Variants in PURA observed in about 807,000 individuals in gnomAD.
The protein encoded by PURA is purine rich element binding protein A.
Under a neutral mutation model 23.1 loss-of-function variants are expected in PURA, and 2 were observed. The ratio of observed to expected loss-of-function variants is 0.09; its 90% CI spans 0.04 to 0.27. The LOEUF (loss-of-function observed/expected upper bound fraction) is 0.27. PURA is among the 10% of genes least tolerant of loss of function. PURA has a pLI of 1.00. For synonymous variants in PURA, 254 were observed against 205.9 expected (o/e 1.23, Z -2.00); for missense variants, 187 against 449.7 (o/e 0.42, Z 5.28).
rs1763131076 is a variant in PURA, at chr5:140,119,875, C to G, written c.*4725C>G. 6.0e-6 allele frequency: 1 copy of G among 166,568 alleles called. No homozygotes were observed. The highest frequency in any genetic ancestry group is 2.1e-4 in the South Asian group (1 of 4,832). 10.3% of individuals were successfully genotyped at this position (166,568 alleles called of 1,614,324 possible). On this transcript the variant is annotated 3_prime_UTR_variant, in exon 1 of 1. Coordinates refer to ENST00000331327, the MANE Select transcript of PURA (RefSeq NM_005859.5). ...CACTCATTTTTTCAGGTTATATATACACACACATTTCCAGATAATTTTAGA... is the reference window on the plus strand; with the variant it reads ...CACTCATTTTTTCAGGTTATATATAGACACACATTTCCAGATAATTTTAGA...
In PURA at chr5:140,122,597, C is replaced by G. The variant is rs1012059334; in HGVS notation, c.*7447C>G. On this transcript the variant is annotated 3_prime_UTR_variant, in exon 1 of 1. Coordinates refer to ENST00000331327, the MANE Select transcript of PURA (RefSeq NM_005859.5). Reference sequence around the variant, plus strand: ...TGTATTTCTAAAATTAGACAACATACCCCCCAAACTCATGTTTCTGTTTCC... The same window carrying G: ...TGTATTTCTAAAATTAGACAACATAGCCCCCAAACTCATGTTTCTGTTTCC... The G allele has an allele frequency of 3.0e-5, 5 of 166,720 alleles. No individual in the cohort carries two copies. The highest frequency in any genetic ancestry group is 5.9e-5 in the Non-Finnish European group (4 of 67,944). 10.3% of individuals were successfully genotyped at this position (166,720 alleles called of 1,614,324 possible).
rs778519273 is a variant in PURA, at chr5:140,122,454, G to A, written c.*7304G>A. On this transcript the variant is annotated 3_prime_UTR_variant, in exon 1 of 1. Coordinates refer to ENST00000331327, the MANE Select transcript of PURA (RefSeq NM_005859.5). The stretch of plus-strand genomic sequence containing the variant: ...TTTGGCCCACACAAATTTCTTAGAA[G>A]ACAATAAACCAGGTAAAAACACTAA... 6.6e-5 allele frequency: 11 copies of A among 166,708 alleles called. No homozygotes were observed. Among genetic ancestry groups the A allele is most frequent in the Non-Finnish European group, 1.6e-4 (11 of 67,944 alleles). 10.3% of individuals were successfully genotyped at this position (166,708 alleles called of 1,614,324 possible). A position where few individuals can be genotyped will look rare whatever the true frequency, so the allele number is the denominator to read the frequency against.
Position 140,122,853 on chromosome 5 carries a change from CT to C in PURA, c.*7706del, listed in dbSNP as rs1484201283. ...TAATTCAAGTATGTTTGGATTAACT[CT>C]TTGTTGTCAAATTTAGTATGGATTT... On this transcript the variant is annotated 3_prime_UTR_variant, in exon 1 of 1. Coordinates refer to ENST00000331327, the MANE Select transcript of PURA (RefSeq NM_005859.5). The C allele has an allele frequency of 1.8e-5, 3 of 166,646 alleles. No homozygotes were observed. Among genetic ancestry groups the C allele is most frequent in the African/African-American group, 7.3e-5 (3 of 41,374 alleles). The allele number at this position is 166,646 out of a possible 1,614,324, so 10.3% of individuals were successfully genotyped here.
Position 140,115,172 on chromosome 5 carries a change from CA to C in PURA, c.*23del. ...TTGATCAAACTGAATGAAACCCCCA[CA>C]CACACACACATGCATACACACACAC... On this transcript the variant is annotated 3_prime_UTR_variant, in exon 1 of 1. Coordinates refer to ENST00000331327, the MANE Select transcript of PURA (RefSeq NM_005859.5). This position sits in a 1 kb window ranked among gnomAD's most constrained non-coding sequence, Gnocchi z 4.1. The C allele has an allele frequency of 1.5e-6, 2 of 1,367,738 alleles. No homozygotes were observed. Among genetic ancestry groups the C allele is most frequent in the Non-Finnish European group, 2.0e-6 (2 of 1,006,374 alleles). The allele number at this position is 1,367,738 out of a possible 1,614,324, so 84.7% of individuals were successfully genotyped here.
chr5:140,124,767 TTCTA>T lies in PURA; in HGVS notation c.*9623_*9626del, dbSNP rs1483346041. The T allele has an allele frequency of 6.0e-6, 1 of 167,040 alleles. No individual in the cohort carries two copies. The highest frequency in any genetic ancestry group is 1.5e-5 in the Non-Finnish European group (1 of 68,104). 10.3% of individuals were successfully genotyped at this position (167,040 alleles called of 1,614,324 possible). A position where few individuals can be genotyped will look rare whatever the true frequency, so the allele number is the denominator to read the frequency against. ...CTTTAAATGTGGATGATATTCAGCA[TTCTA>T]TCTATGAATTTCCTTTAGGAAAAGA... On this transcript the variant is annotated 3_prime_UTR_variant, in exon 1 of 1. Coordinates refer to ENST00000331327, the MANE Select transcript of PURA (RefSeq NM_005859.5).
In PURA at chr5:140,114,404, C is replaced by T. The variant is rs754849036; in HGVS notation, c.223C>T (p.Leu75=). 1.2e-6 allele frequency: 2 copies of T among 1,612,480 alleles called. No individual in the cohort carries two copies. The highest frequency in any genetic ancestry group is 1.1e-5 in the South Asian group (1 of 91,076). ...RVDIQNKRFY[L]DVKQNAKGRF... ...GGACATCCAGAACAAGCGCTTCTAC[C>T]TGGACGTGAAGCAGAACGCCAAGGG... The change falls in exon 1 of 1, where the codon CTG becomes TTG. Residue 75 remains leucine, a synonymous_variant. Transcript: ENST00000331327.
In PURA at chr5:140,114,186, C is replaced by A; in HGVS notation, c.5C>A (p.Ala2Glu). M[A>E]DRDSGSEQGG... is the part of the protein sequence containing the mutation. ...GCGGCAGCGGAGCGCAGCATCATGG[C>A]GGACCGAGACAGCGGCAGCGAGCAG... Residue 2 changes from alanine to glutamate, a missense_variant, in exon 1 of 1, where the codon GCG becomes GAG. Ala to Glu is a moderately radical substitution (Grantham distance 107, BLOSUM62 -1). Transcript: ENST00000331327. 1.3e-6 allele frequency: 1 copy of A among 795,408 alleles called. No individual in the cohort carries two copies. Among genetic ancestry groups the A allele is most frequent in the Non-Finnish European group, 1.7e-6 (1 of 603,620 alleles). The allele number at this position is 795,408 out of a possible 1,614,324, so 49.3% of individuals were successfully genotyped here. A position where few individuals can be genotyped will look rare whatever the true frequency, so the allele number is the denominator to read the frequency against.
At position 140,121,538 on chromosome 5, in the gene PURA, T is replaced by C. The variant is rs1036212167; in HGVS notation, c.*6388T>C. The C allele has an allele frequency of 1.2e-5, 2 of 166,838 alleles. No homozygotes were observed. The highest frequency in any genetic ancestry group is 1.3e-4 in the Admixed American group (2 of 15,252). 10.3% of individuals were successfully genotyped at this position (166,838 alleles called of 1,614,324 possible). On this transcript the variant is annotated 3_prime_UTR_variant, in exon 1 of 1. Transcript: ENST00000331327. ...GGCATCTTCTCTCTCCTATCCTTTT[T>C]CTTTGTTTCTCTCTCCACTTTTACT...
In PURA at chr5:140,122,991, C is replaced by T. The variant is rs960519063; in HGVS notation, c.*7841C>T. ...GCAAAAAAGTGGTTCTGATTTTGTA[C>T]TTTGAAGGTAATTTTTCTTTTTTAC... On this transcript the variant is annotated 3_prime_UTR_variant, in exon 1 of 1. Transcript: ENST00000331327. The T allele has an allele frequency of 6.0e-6, 1 of 166,684 alleles. No individual in the cohort carries two copies. The highest frequency in any genetic ancestry group is 2.4e-5 in the African/African-American group (1 of 41,368). 10.3% of individuals were successfully genotyped at this position (166,684 alleles called of 1,614,324 possible).
rs534648874 is a variant in PURA at position 140,120,486 on chromosome 5, A to C, written c.*5336A>C. 1.8e-5 allele frequency: 3 copies of C among 166,868 alleles called. No homozygotes were observed. The highest frequency in any genetic ancestry group is 7.2e-5 in the African/African-American group (3 of 41,562). 10.3% of individuals were successfully genotyped at this position (166,868 alleles called of 1,614,324 possible). A position where few individuals can be genotyped will look rare whatever the true frequency, so the allele number is the denominator to read the frequency against. ...CACTGCTATTCACGAATTATTATAG[A>C]ATCTTCTTTGCAGATTTTGTGATAT... On this transcript the variant is annotated 3_prime_UTR_variant, in exon 1 of 1. Coordinates refer to ENST00000331327, the MANE Select transcript of PURA (RefSeq NM_005859.5).
At position 140,115,277 on chromosome 5, in the gene PURA, C is replaced by A. The variant is rs1246496191; in HGVS notation, c.*127C>A. 3.4e-5 allele frequency: 20 copies of A among 593,942 alleles called. No homozygotes were observed. Among genetic ancestry groups the A allele is most frequent in the Non-Finnish European group, 4.6e-5 (17 of 369,674 alleles). The allele number at this position is 593,942 out of a possible 1,614,324, so 36.8% of individuals were successfully genotyped here. On this transcript the variant is annotated 3_prime_UTR_variant, in exon 1 of 1. Coordinates refer to ENST00000331327, the MANE Select transcript of PURA (RefSeq NM_005859.5). The surrounding 1 kb of genome is among the most constrained non-coding windows in gnomAD (Gnocchi z 4.1). Reference sequence around the variant, plus strand: ...TTAAAAAGTTAAAAAAAAAAAAAAACCTGTTAACTCCAAGGGAGCACCACC... The same window carrying A: ...TTAAAAAGTTAAAAAAAAAAAAAAAACTGTTAACTCCAAGGGAGCACCACC...
rs1338235557 is a variant in PURA at position 140,119,335 on chromosome 5, A to G, written c.*4185A>G. On this transcript the variant is annotated 3_prime_UTR_variant, in exon 1 of 1. Transcript: ENST00000331327. ...GTAAAACAGTTTGCTTTGTACTGGC[A>G]TACAGAAAATAGGGTATTGATTTTA... The G allele has an allele frequency of 6.0e-6, 1 of 166,908 alleles. No homozygotes were observed. The allele number at this position is 166,908 out of a possible 1,614,324, so 10.3% of individuals were successfully genotyped here. A position where few individuals can be genotyped will look rare whatever the true frequency, so the allele number is the denominator to read the frequency against.
Position 140,125,353 on chromosome 5 carries a change from C to T in PURA, c.*10203C>T, listed in dbSNP as rs1763200781. The T allele has an allele frequency of 1.2e-5, 2 of 166,942 alleles. No individual in the cohort carries two copies. 10.3% of individuals were successfully genotyped at this position (166,942 alleles called of 1,614,324 possible). ...CTACTAGCAAAATGTGACATTGCAA[C>T]CAGCTTCGTTAGACATTATAACAAC... On this transcript the variant is annotated 3_prime_UTR_variant, in exon 1 of 1. Transcript: ENST00000331327.
rs1763201064 is a variant in PURA, at chr5:140,125,367, CATT to C, written c.*10220_*10222del. 1 of 167,016 alleles carries C rather than the reference CATT, an allele frequency of 6.0e-6. No homozygotes were observed. The highest frequency in any genetic ancestry group is 1.9e-4 in the East Asian group (1 of 5,208). 10.3% of individuals were successfully genotyped at this position (167,016 alleles called of 1,614,324 possible). ...TGACATTGCAACCAGCTTCGTTAGA[CATT>C]ATAACAACCAGAGAGAAGGGAAAAA... is the stretch of plus-strand genomic sequence containing the variant. On this transcript the variant is annotated 3_prime_UTR_variant, in exon 1 of 1. Coordinates refer to ENST00000331327, the MANE Select transcript of PURA (RefSeq NM_005859.5).
Position 140,115,469 on chromosome 5 carries a change from T to C in PURA, c.*319T>C, listed in dbSNP as rs560460712. 2.6e-5 allele frequency: 5 copies of C among 193,176 alleles called. No individual in the cohort carries two copies. In the East Asian group the frequency reaches 4.0e-4, roughly 16 times the overall value. 12.0% of individuals were successfully genotyped at this position (193,176 alleles called of 1,614,324 possible). A position where few individuals can be genotyped will look rare whatever the true frequency, so the allele number is the denominator to read the frequency against. On this transcript the variant is annotated 3_prime_UTR_variant, in exon 1 of 1. Transcript: ENST00000331327. The surrounding 1 kb of genome is among the most constrained non-coding windows in gnomAD (Gnocchi z 4.1). ...GTGTTTCCTACTTGATTAAAAAATA[T>C]AAAGAACTGAGTGTTTATTTCCCTA...
rs1375300352 is a variant in PURA, at chr5:140,120,346, A to T, written c.*5196A>T. On this transcript the variant is annotated 3_prime_UTR_variant, in exon 1 of 1. Coordinates refer to ENST00000331327, the MANE Select transcript of PURA (RefSeq NM_005859.5). ...TTACATAGATAAATTCACCAAAGTT[A>T]TTTGTGTAGATTTGTTAAAGTGTAT... 2 of 166,842 alleles carry T rather than the reference A, an allele frequency of 1.2e-5. No homozygotes were observed. The highest frequency in any genetic ancestry group is 2.4e-5 in the African/African-American group (1 of 41,444). The allele number at this position is 166,842 out of a possible 1,614,324, so 10.3% of individuals were successfully genotyped here.
rs1249911488 is a variant in PURA at position 140,122,995 on chromosome 5, G to T, written c.*7845G>T. ...AAAAGTGGTTCTGATTTTGTACTTT[G>T]AAGGTAATTTTTCTTTTTTACGAAT... is the stretch of plus-strand genomic sequence containing the variant. On this transcript the variant is annotated 3_prime_UTR_variant, in exon 1 of 1. Coordinates refer to ENST00000331327, the MANE Select transcript of PURA (RefSeq NM_005859.5). 1.2e-5 allele frequency: 2 copies of T among 166,812 alleles called. No individual in the cohort carries two copies. Among genetic ancestry groups the T allele is most frequent in the Admixed American group, 6.6e-5 (1 of 15,248 alleles). 10.3% of individuals were successfully genotyped at this position (166,812 alleles called of 1,614,324 possible).
In PURA at chr5:140,123,894, A is replaced by T. The variant is rs1763177443; in HGVS notation, c.*8744A>T. 1 of 167,022 alleles carries T rather than the reference A, an allele frequency of 6.0e-6. No homozygotes were observed. Among genetic ancestry groups the T allele is most frequent in the African/African-American group, 2.4e-5 (1 of 41,430 alleles). 10.3% of individuals were successfully genotyped at this position (167,022 alleles called of 1,614,324 possible). A position where few individuals can be genotyped will look rare whatever the true frequency, so the allele number is the denominator to read the frequency against. On this transcript the variant is annotated 3_prime_UTR_variant, in exon 1 of 1. Transcript: ENST00000331327. ...CAAGTGGCAGCTCCCTCTTTCATGT[A>T]GTTTTCCATAATGTTCATATAGTTT...
At position 140,119,862 on chromosome 5, in the gene PURA, C is replaced by T. The variant is rs985822054; in HGVS notation, c.*4712C>T. ...TCTACAATATTCCCACTCATTTTTT[C>T]AGGTTATATATACACACACATTTCC... On this transcript the variant is annotated 3_prime_UTR_variant, in exon 1 of 1. Transcript: ENST00000331327. 1 of 166,632 alleles carries T rather than the reference C, an allele frequency of 6.0e-6. No homozygotes were observed. Among genetic ancestry groups the T allele is most frequent in the Non-Finnish European group, 1.5e-5 (1 of 67,912 alleles). The allele number at this position is 166,632 out of a possible 1,614,324, so 10.3% of individuals were successfully genotyped here.
Sources: gnomAD v4.1 joint callset for allele counts on GRCh38, gnomAD v4.1.1 for gene constraint, Gnocchi (gnomAD v3.1) non-coding constraint, MANE v1.5 for transcripts, NCBI Gene and HGNC (gene_info 2026-07-23, HGNC 2026-07-21) for gene names.